Variants in WDHD1 observed in about 807,000 individuals in gnomAD.
WDHD1 encodes WD repeat and HMG-box DNA-binding protein 1.
Under a neutral mutation model 135.4 loss-of-function variants are expected in WDHD1, and 111 were observed. The observed-to-expected ratio is 0.82, with a 90% CI of 0.70 to 0.96. The LOEUF is 0.96. Among genes scored for constraint, WDHD1 ranks in the 40% least tolerant of loss-of-function variants. The pLI, the probability that WDHD1 is intolerant of heterozygous loss-of-function variation, is 0.00. For synonymous variants in WDHD1, 434 were observed against 439.0 expected, an observed-to-expected ratio of 0.99 and a Z score of 0.14; for missense variants, 1,351 against 1,336.3, an observed-to-expected ratio of 1.01 and a Z score of -0.17.
chr14:54,944,255 G>T, intron 25 of WDHD1, 77 bp downstream of exon 25: 1 of 1,576,312 alleles, frequency 6.3e-7, no homozygotes, highest in South Asian at 1.2e-5. Flanking sequence ...ACCATACCCA[G>T]CCAAAAGGCA....
chr14:54,978,153 C>T (rs2041557948), intron 16 of WDHD1, among the ~76,000 whole-genome samples: 1 of 152,038 alleles, frequency 6.6e-6, no homozygotes, highest in South Asian at 2.1e-4. Flanking sequence ...TAGTAAAAAT[C>T]CTCATAGGTT....
chr14:54,991,324 A>G lies in WDHD1; in HGVS notation c.1230T>C (p.Asn410=). Residue 410 remains asparagine (N), a synonymous_variant, in exon 12 of 26, where the codon AAT becomes AAC. Transcript: ENST00000360586. ...GCCTTTGGGATGTTACAAGTGGTAG[A>G]TTGTGAATGCTGCCTTCTTGACCAT... ...EEDGQEGSIH[N]LPLVTSQRPF... is the part of the protein sequence containing the mutation. 1.2e-6 allele frequency: 2 copies of G among 1,614,166 alleles called. No homozygotes were observed.
In WDHD1 at chr14:55,013,591, A is replaced by G. The variant is rs534711553; in HGVS notation, c.83T>C (p.Ile28Thr). The G allele has an allele frequency of 1.2e-6, 2 of 1,612,822 alleles. No individual in the cohort carries two copies. Among genetic ancestry groups the G allele is most frequent in the Middle Eastern group, 1.7e-4 (1 of 6,060 alleles). ...EVCFDDSGSFIVTCGSDGDVR... is the reference protein window; with the variant it reads ...EVCFDDSGSFTVTCGSDGDVR... ...ATCACCATCACTTCCACAAGTCACA[A>G]TAAAACTGTGAAGAAAAGACACAAA... The change falls in exon 3 of 26, where the codon ATT becomes ACT. Residue 28 changes from isoleucine to threonine, a missense_variant. By Grantham distance (89) the Ile-to-Thr change is moderately conservative. Transcript: ENST00000360586.
intron 24 of WDHD1, among the ~76,000 whole-genome samples, chr14:54,947,371 GC>G (rs765427576): frequency 6.6e-6 from 1 of 152,018 alleles, no homozygotes; most frequent in African/African-American, 2.4e-5. Flanking sequence ...GAGCCACTAT[GC>G]CCGGCCTATC....
intron 16 of WDHD1, among the ~76,000 whole-genome samples, chr14:54,968,583 T>C (rs917526407): frequency 1.1e-4 from 17 of 152,062 alleles, no homozygotes; most frequent in African/African-American, 4.1e-4. Flanking sequence ...AATTGATTTT[T>C]TGAAAGGATA....
intron 2 of WDHD1, among the ~76,000 whole-genome samples, chr14:55,018,820 C>T (rs572855901): frequency 6.6e-6 from 1 of 152,188 alleles, no homozygotes; most frequent in South Asian, 2.1e-4. Context: ...CTTTGGGAGG[C>T]GAGACCAGCC....
chr14:55,003,493 C>G (rs1198094752), intron 7 of WDHD1, among the ~76,000 whole-genome samples: 2 of 150,478 alleles, frequency 1.3e-5, no homozygotes, highest in African/African-American at 4.9e-5. Flanking sequence ...CCAGCCTGGG[C>G]AACAGAGTGA....
intron 7 of WDHD1, among the ~76,000 whole-genome samples, chr14:55,003,587 C>A (rs1186520566): frequency 1.4e-5 from 2 of 143,660 alleles, no homozygotes; most frequent in African/African-American, 5.8e-5. Context: ...GAAAAACGAA[C>A]TATATATATA....
At position 54,956,616 on chromosome 14, in the gene WDHD1, TG is replaced by T. The variant is rs577521302; in HGVS notation, c.2916+417del. ...TCCTGACACTGCACTCCATCCAGCCTGGGTGACAGAGTGAGCCTCTGTCTCA... is the reference window on the plus strand; with the variant it reads ...TCCTGACACTGCACTCCATCCAGCCTGGTGACAGAGTGAGCCTCTGTCTCA... On this transcript the variant is annotated intron_variant, in intron 23 of 25. Transcript: ENST00000360586. Among the ~76,000 whole-genome samples, 4 of 152,234 alleles carry T rather than the reference TG, an allele frequency of 2.6e-5. No homozygotes were observed. The South Asian group carries it at 8.3e-4, about 32-fold the overall frequency.
At chr14:54,995,045 G>A (rs542302947) in intron 11 of WDHD1, among the ~76,000 whole-genome samples, 6 of 152,174 alleles carry the variant, frequency 3.9e-5, no homozygotes, top group South Asian at 2.1e-4. Flanking sequence ...CAGTTGACGC[G>A]ATCTCGGCTC....
At chr14:54,944,962 T>C (rs2040899261) in intron 24 of WDHD1, among the ~76,000 whole-genome samples, 1 of 152,196 alleles carries the variant, frequency 6.6e-6, no homozygotes, top group South Asian at 2.1e-4. Flanking sequence ...GGAAAATCCT[T>C]TGTAAGGTCA....
intron 22 of WDHD1, 126 bp downstream of exon 22, chr14:54,957,466 T>A: frequency 1.1e-6 from 1 of 940,832 alleles, no homozygotes; most frequent in Middle Eastern, 2.6e-4. Flanking sequence ...TGCTGCTTTC[T>A]TCTGTTTCCA....
At chr14:55,003,887 C>T (rs2042019922) in intron 7 of WDHD1, among the ~76,000 whole-genome samples, 1 of 152,102 alleles carries the variant, frequency 6.6e-6, no homozygotes, top group African/African-American at 2.4e-5. Context: ...TTTTTATGTA[C>T]ACTGTCTGCT....
At chr14:54,976,531 G>T (rs1318908184) in intron 16 of WDHD1, among the ~76,000 whole-genome samples, 2 of 152,118 alleles carry the variant, frequency 1.3e-5, no homozygotes, top group African/African-American at 4.8e-5. Context: ...AATAGGTAAG[G>T]CTCTTTAAAC....
At chr14:54,984,889 G>T in intron 14 of WDHD1, 29 bp from the exon 15 acceptor site, 2 of 1,601,476 alleles carry the variant, frequency 1.2e-6, no homozygotes, top group Non-Finnish European at 1.7e-6. Context: ...TATAAATCAG[G>T]CATCAAAGGT....
intron 11 of WDHD1, among the ~76,000 whole-genome samples, chr14:54,993,091 T>G (rs912634640): frequency 3.3e-5 from 5 of 152,262 alleles, no homozygotes; most frequent in South Asian, 2.1e-4. Context: ...CATTCAACAT[T>G]CAAGTCAGAC....
chr14:55,003,708 C>T (rs558271506), intron 7 of WDHD1, among the ~76,000 whole-genome samples: 2 of 151,370 alleles, frequency 1.3e-5, no homozygotes, highest in Admixed American at 6.6e-5. Context: ...GGACTACAGG[C>T]GCACACCACC....
At chr14:54,989,362 T>C (rs59074935) in intron 12 of WDHD1, 150 bp from the exon 13 acceptor site, 94,121 of 539,352 alleles carry the variant, frequency 0.17, 8,785 homozygotes, top group Admixed American at 0.21. Flanking sequence ...TATCTCTAAA[T>C]AGTTTCTGAC....
chr14:54,986,097 T>C (rs183095828), intron 14 of WDHD1, among the ~76,000 whole-genome samples: 6 of 152,352 alleles, frequency 3.9e-5, no homozygotes, highest in African/African-American at 1.2e-4. Context: ...TCATAGACAC[T>C]GAGATGTATT....
Sources: allele counts gnomAD v4.1 joint callset (sites outside exome capture counted in the v4.1 genomes callset), GRCh38; gene constraint gnomAD v4.1.1; transcripts MANE v1.5; gene names NCBI Gene and HGNC (gene_info 2026-07-23, HGNC 2026-07-21).